The following CFAP54 variants were observed in gnomAD, a reference collection of about 807,000 sequenced individuals.
The protein encoded by CFAP54 is cilia and flagella associated protein 54.
A neutral mutation model predicts 370.4 loss-of-function variants in CFAP54; 290 were observed. That is an observed-to-expected ratio of 0.78 (90% CI 0.71 to 0.86). The LOEUF (loss-of-function observed/expected upper bound fraction) is 0.86. Among genes scored for constraint, CFAP54 ranks in the 40% least tolerant of loss-of-function variants. The pLI is 0.00. For synonymous variants in CFAP54, 1,206 were observed against 1,236.5 expected, an observed-to-expected ratio of 0.98 and a Z score of 0.52; for missense variants, 3,399 against 3,528.7, an observed-to-expected ratio of 0.96 and a Z score of 0.93.
At chr12:96,815,568 A>C (rs1171715684) in intron 64 of CFAP54, among the ~76,000 whole-genome samples, 1 of 152,180 alleles carries the variant, frequency 6.6e-6, no homozygotes, top group Non-Finnish European at 1.5e-5. Context: ...TAGTTTAATT[A>C]GATTCCATTT....
intron 55 of CFAP54, among the ~76,000 whole-genome samples, chr12:96,752,114 G>C (rs917021178): frequency 2.7e-5 from 4 of 150,218 alleles, no homozygotes; most frequent in Admixed American, 2.0e-4. Flanking sequence ...GAGAGAGAGA[G>C]AGAGAGAGAG....
chr12:96,751,828 G>C lies in CFAP54; in HGVS notation c.7685-1915G>C, dbSNP rs147285448. ...ATGTGGGTGAGTGCCAATGTCATTA[G>C]CCTCTGAGATGACGTGAGTGGCATG... On this transcript the variant is annotated intron_variant, in intron 55 of 67. Coordinates refer to ENST00000524981, the MANE Select transcript of CFAP54 (RefSeq NM_001306084.2). 1.1e-3 allele frequency among the ~76,000 whole-genome samples: 164 copies of C among 152,076 alleles called. 2 individuals carry two copies. The highest frequency in any genetic ancestry group is 4.4e-4 in the Non-Finnish European group (30 of 67,972).
Position 96,833,061 on chromosome 12 carries a change from C to T in CFAP54, c.9171+3973C>T, listed in dbSNP as rs191072567. On this transcript the variant is annotated intron_variant, in intron 66 of 67. Transcript: ENST00000524981. The stretch of plus-strand genomic sequence containing the variant: ...CCTAATTAAAATAAATATTGACATG[C>T]ACAGCTTGTGACAAAAAGAAACTGA... Among the ~76,000 whole-genome samples the T allele has an allele frequency of 1.1e-3, 167 of 152,206 alleles. 1 individual carries two copies. Among genetic ancestry groups the T allele is most frequent in the Middle Eastern group, 0.01 (3 of 294 alleles).
intron 1 of CFAP54, among the ~76,000 whole-genome samples, chr12:96,490,477 T>C (rs908865599): frequency 2.6e-5 from 4 of 152,286 alleles, no homozygotes; most frequent in African/African-American, 9.6e-5. Context: ...TATATACTCA[T>C]AACATGGAAA....
At chr12:96,532,354 G>A (rs529046682) in intron 9 of CFAP54, among the ~76,000 whole-genome samples, 1 of 152,244 alleles carries the variant, frequency 6.6e-6, no homozygotes, top group East Asian at 1.9e-4. Flanking sequence ...TTAGTGTGTG[G>A]GTGTGGGCAC....
intron 48 of CFAP54, among the ~76,000 whole-genome samples, chr12:96,712,726 T>A (rs1450651707): frequency 1.3e-5 from 2 of 152,184 alleles, no homozygotes; most frequent in Non-Finnish European, 2.9e-5. Context: ...TCTACCTCCA[T>A]GAAAACAATT....
At chr12:96,853,613 A>G (rs184587222) in intron 66 of CFAP54, among the ~76,000 whole-genome samples, 1 of 152,274 alleles carries the variant, frequency 6.6e-6, no homozygotes, top group East Asian at 1.9e-4. Flanking sequence ...AATATAGAGC[A>G]CTGTATTTTA....
At chr12:96,760,436 A>G (rs1958322064) in intron 58 of CFAP54, among the ~76,000 whole-genome samples, 1 of 152,204 alleles carries the variant, frequency 6.6e-6, no homozygotes, top group Non-Finnish European at 1.5e-5. Flanking sequence ...TTTGCAGTCA[A>G]TCCTGTTCCC....
At chr12:96,556,802 A>T (rs948085019) in intron 17 of CFAP54, among the ~76,000 whole-genome samples, 1 of 152,190 alleles carries the variant, frequency 6.6e-6, no homozygotes, top group Admixed American at 6.6e-5. Context: ...TAATTCAGGG[A>T]TAGAAAACCA....
chr12:96,713,421 A>G (rs1047749255), intron 48 of CFAP54, among the ~76,000 whole-genome samples: 6 of 151,968 alleles, frequency 3.9e-5, no homozygotes, highest in African/African-American at 1.2e-4. Flanking sequence ...GTTAAGTGAA[A>G]TAGGGTATGA....
intron 36 of CFAP54, among the ~76,000 whole-genome samples, chr12:96,656,912 G>A (rs1246582618): frequency 6.6e-6 from 1 of 152,194 alleles, no homozygotes; most frequent in Non-Finnish European, 1.5e-5. Flanking sequence ...TGCTGAGGAT[G>A]CAAATTCATG....
intron 22 of CFAP54, among the ~76,000 whole-genome samples, chr12:96,588,195 T>C (rs935769662): frequency 7.2e-5 from 11 of 152,164 alleles, no homozygotes; most frequent in African/African-American, 2.7e-4. Context: ...GTCTACTTTT[T>C]TTCTTTTTTC....
rs1423020394 is a variant in CFAP54 at position 96,806,212 on chromosome 12, AT to A, written c.8851-5523del. Among the ~76,000 whole-genome samples the A allele has an allele frequency of 4.5e-3, 402 of 88,968 alleles. 23 individuals carry two copies. Among genetic ancestry groups the A allele is most frequent in the East Asian group, 0.011 (32 of 2,800 alleles). The allele number at this position is 88,968 out of a possible 152,430, so 58.4% of individuals were successfully genotyped here. A position where few individuals can be genotyped will look rare whatever the true frequency, so the allele number is the denominator to read the frequency against. On this transcript the variant is annotated intron_variant, in intron 63 of 67. Coordinates refer to ENST00000524981, the MANE Select transcript of CFAP54 (RefSeq NM_001306084.2). ...TATATATATATATATATATATATAT[AT>A]AATAACAACATAAAAAGAAAGTTGG... is the stretch of plus-strand genomic sequence containing the variant.
intron 66 of CFAP54, among the ~76,000 whole-genome samples, chr12:96,829,923 C>T (rs1959165612): frequency 6.6e-6 from 1 of 152,110 alleles, no homozygotes; most frequent in Admixed American, 6.6e-5. Context: ...ATTCTACTTT[C>T]TGTCTCTACG....
intron 46 of CFAP54, among the ~76,000 whole-genome samples, chr12:96,703,232 A>G (rs35393604): frequency 0.26 from 39,247 of 152,144 alleles, 5,293 homozygotes; most frequent in African/African-American, 0.3. Flanking sequence ...AGCTAGCAGG[A>G]AAGCTAGATA....
chr12:96,799,351 C>T (rs79171393), intron 63 of CFAP54, among the ~76,000 whole-genome samples: 1,785 of 152,262 alleles, frequency 0.012, 44 homozygotes, highest in African/African-American at 0.041. Flanking sequence ...ATAGTTTTGC[C>T]GTGTTCAGCA....
chr12:96,714,480 G>A (rs1957652506), intron 48 of CFAP54, among the ~76,000 whole-genome samples: 1 of 152,132 alleles, frequency 6.6e-6, no homozygotes, highest in African/African-American at 2.4e-5. Context: ...GAAGAGACAG[G>A]TGAAGGAATA....
At chr12:96,587,946 A>G (rs1177768661) in intron 22 of CFAP54, among the ~76,000 whole-genome samples, 1 of 152,164 alleles carries the variant, frequency 6.6e-6, no homozygotes, top group African/African-American at 2.4e-5. Flanking sequence ...CTACTTTTCA[A>G]TGTTCTGGTT....
chr12:96,746,675 A>C (rs185044039), intron 55 of CFAP54, among the ~76,000 whole-genome samples: 2 of 152,306 alleles, frequency 1.3e-5, no homozygotes, highest in East Asian at 3.9e-4. Context: ...ATGTGGTCCA[A>C]GCTGACCTGT....
Sources: gnomAD v4.1 joint callset for allele counts (sites outside exome capture counted in the v4.1 genomes callset) on GRCh38, gnomAD v4.1.1 for gene constraint, MANE v1.5 for transcripts, NCBI Gene and HGNC (gene_info 2026-07-23, HGNC 2026-07-21) for gene names.